The following SEC14L5 variants were observed in gnomAD, a reference collection of about 807,000 sequenced individuals.
SEC14L5 encodes SEC14 like lipid binding 5, also known as SEC14-like protein 5.
In SEC14L5, 96 loss-of-function variants were observed where a neutral mutation model predicts 84.6. The ratio of observed to expected loss-of-function variants is 1.13; its 90% CI spans 0.96 to 1.34. SEC14L5 has a LOEUF of 1.34. SEC14L5 is among the 40% of genes most tolerant of loss of function. The probability of loss-of-function intolerance (pLI) is 0.00; values close to 1 mark genes in which losing one functional copy is unlikely to be tolerated. For missense variants in SEC14L5, 1,224 were observed against 942.5 expected (o/e 1.30, Z -3.91); for synonymous variants, 546 against 383.4 (o/e 1.42, Z -4.95).
At chr16:4,973,587 C>T (rs908050064) in intron 2 of SEC14L5, among the ~76,000 whole-genome samples, 2 of 151,846 alleles carry the variant, frequency 1.3e-5, no homozygotes, top group African/African-American at 2.4e-5. Context: ...CACTGATGCA[C>T]GATGCAACAC....
intron 15 of SEC14L5, among the ~76,000 whole-genome samples, chr16:5,012,358 A>G (rs569510997): frequency 2.0e-5 from 3 of 152,230 alleles, no homozygotes; most frequent in Admixed American, 2.0e-4. Flanking sequence ...CTGCACACCA[A>G]CCTGTCAAGG....
At chr16:5,005,775 G>C in intron 11 of SEC14L5, 139 bp from the exon 12 acceptor site, 1 of 765,712 alleles carries the variant, frequency 1.3e-6, no homozygotes, top group Non-Finnish European at 2.0e-6. Context: ...GAGGCAGGAG[G>C]ATGGCGTGAA....
chr16:5,003,187 C>A (rs553108475), intron 10 of SEC14L5, among the ~76,000 whole-genome samples: 1 of 152,260 alleles, frequency 6.6e-6, no homozygotes, highest in Admixed American at 6.5e-5. Context: ...TGACCTAAGG[C>A]TCTCAGGGGT....
chr16:4,973,695 T>C (rs1391647612), intron 2 of SEC14L5, among the ~76,000 whole-genome samples: 1 of 150,630 alleles, frequency 6.6e-6, no homozygotes, highest in Non-Finnish European at 1.5e-5. Flanking sequence ...TTTTTTTTTT[T>C]TTTTTGAGAC....
At position 5,012,905 on chromosome 16, in the gene SEC14L5, G is replaced by GAAAAA. The variant is rs35512692; in HGVS notation, c.1979+1640_1979+1644dup. ...GCGAGACTGTCTCAAAAAGAAAAAG[G>GAAAAA]AAAAAAAAAAAACCTACCTGAGACT... On this transcript the variant is annotated intron_variant, in intron 15 of 15. Coordinates refer to ENST00000251170, the MANE Select transcript of SEC14L5 (RefSeq NM_014692.2). Among the ~76,000 whole-genome samples, 102 of 145,860 alleles carry GAAAAA rather than the reference G, an allele frequency of 7.0e-4. 1 individual carries two copies. The highest frequency in any genetic ancestry group is 1.1e-3 in the Admixed American group (16 of 14,714).
At chr16:4,999,448 T>C (rs1443857091) in intron 8 of SEC14L5, among the ~76,000 whole-genome samples, 3 of 151,614 alleles carry the variant, frequency 2.0e-5, no homozygotes, top group Admixed American at 2.0e-4. Context: ...CTCCACCACA[T>C]CTCCACAAAA....
At chr16:4,983,267 G>C (rs1596624194) in intron 2 of SEC14L5, among the ~76,000 whole-genome samples, 1 of 151,862 alleles carries the variant, frequency 6.6e-6, no homozygotes, top group African/African-American at 2.4e-5. Flanking sequence ...GCCTGCCTTG[G>C]CTTCCCAAAG....
chr16:4,966,264 CCT>C (rs1955199097), intron 2 of SEC14L5, among the ~76,000 whole-genome samples: 2 of 142,410 alleles, frequency 1.4e-5, no homozygotes, highest in South Asian at 2.3e-4. Context: ...CCGCGCCCGG[CCT>C]CTTTTTTTTT....
At chr16:4,972,870 G>T (rs375009122) in intron 2 of SEC14L5, among the ~76,000 whole-genome samples, 5 of 152,306 alleles carry the variant, frequency 3.3e-5, no homozygotes, top group African/African-American at 1.2e-4. Flanking sequence ...CAACAATGTG[G>T]TACCTGGCAT....
intron 1 of SEC14L5, 78 bp downstream of exon 1, chr16:4,958,523 A>G (rs549352067): frequency 6.5e-6 from 1 of 152,970 alleles, no homozygotes; most frequent in African/African-American, 2.4e-5. Flanking sequence ...CACTTCCCCT[A>G]GGCTGCATTC....
chr16:4,990,721 T>C (rs1596629970), intron 4 of SEC14L5, 46 bp from the exon 5 acceptor site: 1 of 1,558,482 alleles, frequency 6.4e-7, no homozygotes, highest in Non-Finnish European at 8.7e-7. Context: ...GAGGGCAGGG[T>C]GCCCCCGACA....
chr16:5,003,336 G>A, intron 10 of SEC14L5, 66 bp from the exon 11 acceptor site: 1 of 1,280,286 alleles, frequency 7.8e-7, no homozygotes, highest in Non-Finnish European at 1.1e-6. Context: ...CATCCCCTGT[G>A]GGGAGGGTGT....
chr16:4,981,050 C>G lies in SEC14L5; in HGVS notation c.64-6507C>G, dbSNP rs371718450. Among the ~76,000 whole-genome samples, 8 of 150,822 alleles carry G rather than the reference C, an allele frequency of 5.3e-5. 2 individuals carry two copies. The South Asian group carries it at 1.7e-3, about 32-fold the overall frequency. ...TGGGAGGTGGGTGGGCAGGGCAGATCACACAGGGCCCGAGGACCACCATAA... is the reference window on the plus strand; with the variant it reads ...TGGGAGGTGGGTGGGCAGGGCAGATGACACAGGGCCCGAGGACCACCATAA... On this transcript the variant is annotated intron_variant, in intron 2 of 15. Transcript: ENST00000251170.
intron 1 of SEC14L5, among the ~76,000 whole-genome samples, chr16:4,958,945 G>C (rs1309928107): frequency 6.6e-6 from 1 of 152,062 alleles, no homozygotes; most frequent in South Asian, 2.1e-4. Flanking sequence ...GAATAGAACC[G>C]TGGGAGTGTA....
chr16:5,011,319 G>C (rs758233715), intron 15 of SEC14L5, 46 bp downstream of exon 15: 13 of 1,576,372 alleles, frequency 8.2e-6, no homozygotes, highest in Non-Finnish European at 1.1e-5. Context: ...GGACCCTGGG[G>C]CTGATTGACA....
chr16:4,969,638 C>T (rs1955251037), intron 2 of SEC14L5, among the ~76,000 whole-genome samples: 1 of 152,098 alleles, frequency 6.6e-6, no homozygotes, highest in Non-Finnish European at 1.5e-5. Context: ...CCCACCTTGG[C>T]CTCCCAAAGT....
chr16:4,980,508 G>C (rs911472660), intron 2 of SEC14L5, among the ~76,000 whole-genome samples: 3 of 152,132 alleles, frequency 2.0e-5, no homozygotes, highest in Admixed American at 2.0e-4. Flanking sequence ...TGAGTCTGTG[G>C]CTTTATCCCC....
intron 2 of SEC14L5, among the ~76,000 whole-genome samples, chr16:4,964,447 G>T (rs1955168411): frequency 6.6e-6 from 1 of 152,054 alleles, no homozygotes; most frequent in African/African-American, 2.4e-5. Flanking sequence ...TTACCTAAGT[G>T]TGGTGGTGCA....
At chr16:4,990,679 C>A (rs1568128488) in intron 4 of SEC14L5, 88 bp from the exon 5 acceptor site, 15 of 1,339,996 alleles carry the variant, frequency 1.1e-5, no homozygotes, top group Non-Finnish European at 1.0e-5. Context: ...GCAGGCTCTG[C>A]CTGGGCCCAG....
Sources: gnomAD v4.1 joint callset for allele counts (sites outside exome capture counted in the v4.1 genomes callset) on GRCh38, gnomAD v4.1.1 for gene constraint, MANE v1.5 for transcripts, NCBI Gene and HGNC (gene_info 2026-07-23, HGNC 2026-07-21) for gene names.